The following GMDS variants were observed in gnomAD, a reference collection of about 807,000 sequenced individuals.
GMDS encodes the protein GDP-mannose 4,6 dehydratase.
GMDS carries 20 observed loss-of-function variants against 49.9 expected under a neutral mutation model. The ratio of observed to expected loss-of-function variants is 0.40; its 90% confidence interval spans 0.28 to 0.58. The LOEUF (loss-of-function observed/expected upper bound fraction) is 0.58. Among genes scored for constraint, GMDS ranks in the 20% least tolerant of loss-of-function variants. GMDS has a pLI of 0.42. For synonymous variants in GMDS, 177 were observed against 178.6 expected, an observed-to-expected ratio of 0.99 and a Z score of 0.07; for missense variants, 362 against 481.4, an observed-to-expected ratio of 0.75 and a Z score of 2.32.
intron 1 of GMDS, among the ~76,000 whole-genome samples, chr6:2,176,200 C>T (rs771983180): frequency 1.3e-5 from 2 of 152,208 alleles, no homozygotes; most frequent in South Asian, 2.1e-4. Flanking sequence ...TTCTGATTCA[C>T]TATATTTATT....
intron 8 of GMDS, among the ~76,000 whole-genome samples, chr6:1,731,621 T>G (rs1766812290): frequency 6.6e-6 from 1 of 152,254 alleles, no homozygotes; most frequent in African/African-American, 2.4e-5. Context: ...ATTTTGAGAT[T>G]GGACTAGAGA....
At chr6:1,636,187 G>C (rs527819244) in intron 9 of GMDS, among the ~76,000 whole-genome samples, 1 of 152,202 alleles carries the variant, frequency 6.6e-6, no homozygotes, top group Non-Finnish European at 1.5e-5. Context: ...CCTCTTCTTT[G>C]ATGTGCACAA....
intron 4 of GMDS, among the ~76,000 whole-genome samples, chr6:2,078,577 A>C (rs912762270): frequency 2.0e-5 from 3 of 152,088 alleles, no homozygotes; most frequent in African/African-American, 7.2e-5. Flanking sequence ...TATAGTTTCC[A>C]AAGATCCTCT....
At chr6:1,931,548 G>A (rs1581381435) in intron 6 of GMDS, among the ~76,000 whole-genome samples, 1 of 151,938 alleles carries the variant, frequency 6.6e-6, no homozygotes, top group Non-Finnish European at 1.5e-5. Context: ...GCACATAGAG[G>A]TCCTTCAAAA....
chr6:1,897,455 C>A (rs951580298), intron 7 of GMDS, among the ~76,000 whole-genome samples: 1 of 152,086 alleles, frequency 6.6e-6, no homozygotes, highest in African/African-American at 2.4e-5. Context: ...AGGATGGCAT[C>A]CTGGAAAGGG....
intron 7 of GMDS, among the ~76,000 whole-genome samples, chr6:1,837,299 T>C (rs1050382885): frequency 6.6e-6 from 1 of 152,040 alleles, no homozygotes; most frequent in Non-Finnish European, 1.5e-5. Context: ...GGAGGGAAAG[T>C]TCTTTGCCAA....
chr6:1,883,248 G>C (rs772353244), intron 7 of GMDS, among the ~76,000 whole-genome samples: 2 of 151,972 alleles, frequency 1.3e-5, no homozygotes, highest in Middle Eastern at 3.2e-3. Context: ...AAAATTAGCT[G>C]GGTGTGGTGA....
At chr6:2,154,557 A>G (rs1276111962) in intron 1 of GMDS, among the ~76,000 whole-genome samples, 1 of 152,124 alleles carries the variant, frequency 6.6e-6, no homozygotes, top group Non-Finnish European at 1.5e-5. Context: ...GTATGCACCA[A>G]TTCTTTTCCA....
intron 4 of GMDS, among the ~76,000 whole-genome samples, chr6:2,016,725 A>T (rs928749938): frequency 6.6e-6 from 1 of 152,188 alleles, no homozygotes; most frequent in African/African-American, 2.4e-5. Flanking sequence ...CAAAGAAAAT[A>T]CTCTCAACAA....
At chr6:1,702,419 T>C (rs981142085) in intron 9 of GMDS, among the ~76,000 whole-genome samples, 1 of 152,250 alleles carries the variant, frequency 6.6e-6, no homozygotes, top group African/African-American at 2.4e-5. Flanking sequence ...TTTAAGAGCT[T>C]GATGTGCAGA....
chr6:1,979,105 A>C (rs2127343010), intron 4 of GMDS, among the ~76,000 whole-genome samples: 2 of 152,342 alleles, frequency 1.3e-5, no homozygotes, highest in South Asian at 4.1e-4. Context: ...AAATCAACAC[A>C]AAAACTCTGA....
At chr6:1,687,700 G>A (rs1247813649) in intron 9 of GMDS, among the ~76,000 whole-genome samples, 1 of 152,182 alleles carries the variant, frequency 6.6e-6, no homozygotes, top group Non-Finnish European at 1.5e-5. Context: ...GGGGTTCAGA[G>A]AAGCCACGGA....
chr6:2,122,887 T>C (rs1775218388), intron 2 of GMDS, among the ~76,000 whole-genome samples: 1 of 152,216 alleles, frequency 6.6e-6, no homozygotes, highest in South Asian at 2.1e-4. Context: ...CTCTCAAACA[T>C]TGTTTCAATG....
chr6:1,731,033 A>T (rs1188599055), intron 8 of GMDS, among the ~76,000 whole-genome samples: 1 of 152,198 alleles, frequency 6.6e-6, no homozygotes, highest in Non-Finnish European at 1.5e-5. Context: ...AGACAGAGAG[A>T]TCAGGAAAGA....
At chr6:1,748,487 G>A (rs1767601612) in intron 7 of GMDS, among the ~76,000 whole-genome samples, 1 of 151,992 alleles carries the variant, frequency 6.6e-6, no homozygotes, top group Non-Finnish European at 1.5e-5. Flanking sequence ...TATTTTGTTG[G>A]TAACATGGTT....
At chr6:1,630,090 T>C (rs1008545015) in intron 9 of GMDS, among the ~76,000 whole-genome samples, 9 of 152,208 alleles carry the variant, frequency 5.9e-5, no homozygotes, top group African/African-American at 1.9e-4. Context: ...TTTAAAAATA[T>C]GGTTGACATA....
chr6:2,025,547 TG>T (rs1426130998), intron 4 of GMDS, among the ~76,000 whole-genome samples: 2 of 151,626 alleles, frequency 1.3e-5, no homozygotes, highest in African/African-American at 4.8e-5. Context: ...TCCTTGTAAT[TG>T]AAAAAAAAAT....
intron 7 of GMDS, among the ~76,000 whole-genome samples, chr6:1,746,316 C>T (rs1187301913): frequency 6.6e-6 from 1 of 152,172 alleles, no homozygotes; most frequent in East Asian, 1.9e-4. Context: ...TGTCCACTTC[C>T]TCAAATACTT....
intron 9 of GMDS, among the ~76,000 whole-genome samples, chr6:1,710,595 C>T (rs1765917525): frequency 6.7e-6 from 1 of 149,978 alleles, no homozygotes; most frequent in South Asian, 2.1e-4. Context: ...TTTGAGGTTC[C>T]CCTTGGGAAT....
Sources: gnomAD v4.1 joint callset for allele counts (sites outside exome capture counted in the v4.1 genomes callset) on GRCh38, gnomAD v4.1.1 for gene constraint, MANE v1.5 for transcripts, NCBI Gene and HGNC (gene_info 2026-07-23, HGNC 2026-07-21) for gene names.